WASHC5: variants seen among roughly 807,000 people sequenced by gnomAD.
The protein encoded by WASHC5 is WASH complex subunit 5.
In WASHC5, 101 loss-of-function variants were observed where a neutral mutation model predicts 150.4. The observed-to-expected ratio is 0.67, with a 90% confidence interval of 0.57 to 0.79. The LOEUF (loss-of-function observed/expected upper bound fraction) is 0.79, where lower values mean the gene tolerates loss of function less well. Among genes scored for constraint, WASHC5 ranks in the 30% least tolerant of loss-of-function variants. WASHC5 has a pLI of 0.00. For missense variants in WASHC5, 1,195 were observed against 1,396.3 expected (o/e 0.86, Z 2.30); for synonymous variants, 467 against 491.2 (o/e 0.95, Z 0.65).
intron 11 of WASHC5, 121 bp from the exon 12 acceptor site, chr8:125,061,315 C>G: frequency 1.6e-6 from 1 of 636,480 alleles, no homozygotes; most frequent in Non-Finnish European, 2.8e-6. Context: ...GGGCCTAACA[C>G]TAGGAATTTT....
chr8:125,075,166 G>T, intron 7 of WASHC5, 55 bp from the exon 8 acceptor site: 1 of 1,065,950 alleles, frequency 9.4e-7, no homozygotes, highest in Non-Finnish European at 1.5e-6. Flanking sequence ...CAAGGCAAAG[G>T]GTTGAATACT....
intron 1 of WASHC5, among the ~76,000 whole-genome samples, chr8:125,088,539 T>C (rs542611457): frequency 8.5e-5 from 13 of 152,106 alleles, no homozygotes; most frequent in Admixed American, 7.9e-4. Context: ...CCTCTGTAGC[T>C]TGCTAGTCCA....
intron 28 of WASHC5, among the ~76,000 whole-genome samples, chr8:125,026,973 T>G (rs1421548425): frequency 2.0e-5 from 3 of 152,214 alleles, no homozygotes; most frequent in African/African-American, 4.8e-5. Context: ...CTCTGTAATA[T>G]TCGAGGACCC....
intron 16 of WASHC5, among the ~76,000 whole-genome samples, chr8:125,056,144 A>G (rs944618178): frequency 6.6e-5 from 10 of 152,332 alleles, no homozygotes; most frequent in African/African-American, 2.4e-4. Flanking sequence ...TTGTATCAGA[A>G]TGGGAAATTG....
intron 14 of WASHC5, among the ~76,000 whole-genome samples, chr8:125,058,148 T>C (rs1190369569): frequency 6.6e-6 from 1 of 151,592 alleles, no homozygotes; most frequent in Non-Finnish European, 1.5e-5. Context: ...AGAAGTGCCA[T>C]TATTTTATGT....
chr8:125,043,804 AC>A lies in WASHC5; in HGVS notation c.2850+20del. On this transcript the variant is annotated intron_variant, in intron 23 of 28. Transcript: ENST00000318410. Reference sequence around the variant, plus strand: ...TTAAAAATGTAAGTATTGACTGTACACCCTCTCTTCTACAACATACCTTCAT... The same window carrying A: ...TTAAAAATGTAAGTATTGACTGTACACCTCTCTTCTACAACATACCTTCAT... The A allele has an allele frequency of 6.5e-7, 1 of 1,543,846 alleles. No homozygotes were observed. The highest frequency in any genetic ancestry group is 9.0e-7 in the Non-Finnish European group (1 of 1,116,094).
Position 125,038,932 on chromosome 8 carries a change from G to C in WASHC5, c.2982C>G (p.His994Gln). The C allele has an allele frequency of 6.2e-7, 1 of 1,614,004 alleles. No individual in the cohort carries two copies. Residue 994 changes from histidine to glutamine, a missense_variant, in exon 25 of 29, where the codon CAC becomes CAG. This residue lies in a region of WASHC5 where 997 missense variants were observed against 1,168.1 expected (regional missense o/e 0.85). Transcript: ENST00000318410. ...NKALLADIEA[H>Q]YQDPSLPYPK... ...GGTAAGGAAGTGAAGGGTCCTGATA[G>C]TGGGCTTCAATGTCTGCTAGGAGAG... is the stretch of plus-strand genomic sequence containing the variant.
intron 5 of WASHC5, among the ~76,000 whole-genome samples, chr8:125,080,174 G>T (rs145558263): frequency 6.6e-6 from 1 of 152,132 alleles, no homozygotes; most frequent in Non-Finnish European, 1.5e-5. Context: ...GAAGTGTTCA[G>T]TGTCACTTCA....
chr8:125,037,755 G>C (rs914419258), intron 25 of WASHC5, among the ~76,000 whole-genome samples: 4 of 151,854 alleles, frequency 2.6e-5, no homozygotes, highest in African/African-American at 4.8e-5. Flanking sequence ...AGGAGGGAGA[G>C]TGAAGGGAAA....
At chr8:125,058,625 G>A (rs1816490133) in intron 14 of WASHC5, among the ~76,000 whole-genome samples, 2 of 151,628 alleles carry the variant, frequency 1.3e-5, no homozygotes, top group South Asian at 4.2e-4. Context: ...GTGAACACCT[G>A]TAATTTCAAC....
intron 7 of WASHC5, among the ~76,000 whole-genome samples, chr8:125,075,939 G>C (rs888050219): frequency 1.3e-5 from 2 of 152,254 alleles, no homozygotes; most frequent in Admixed American, 6.5e-5. Context: ...CCCCATTACA[G>C]TTAGCTTATA....
At chr8:125,050,512 A>G in intron 18 of WASHC5, 52 bp downstream of exon 18, 2 of 1,289,732 alleles carry the variant, frequency 1.6e-6, no homozygotes, top group Admixed American at 3.4e-5. Context: ...ATTCTAGTCC[A>G]TGCTGCAAGC....
rs1563615656 is a variant in WASHC5, at chr8:125,047,189, G to T, written c.2504+18C>A. 1.9e-6 allele frequency: 3 copies of T among 1,613,822 alleles called. No homozygotes were observed. The highest frequency in any genetic ancestry group is 2.5e-6 in the Non-Finnish European group (3 of 1,179,792). On this transcript the variant is annotated intron_variant, in intron 20 of 28. Transcript: ENST00000318410. ...TGCCTGCAGTATTCAGGGCTCTGTA[G>T]AATTCAGGTACACCTACTTTGGGTC...
At chr8:125,076,556 AT>A in intron 6 of WASHC5, 56 bp from the exon 7 acceptor site, 1 of 1,599,046 alleles carries the variant, frequency 6.3e-7, no homozygotes, top group East Asian at 2.2e-5. Context: ...GCACGTAGAC[AT>A]GCTCAAATTA....
rs1815976150 is a variant in WASHC5, at chr8:125,044,005, T to C, written c.2757A>G (p.Leu919=). 2 of 1,612,976 alleles carry C rather than the reference T, an allele frequency of 1.2e-6. No homozygotes were observed. The highest frequency in any genetic ancestry group is 1.1e-5 in the South Asian group (1 of 91,062). The change falls in exon 22 of 29, where the codon CTA becomes CTG. Residue 919 remains leucine, a synonymous_variant. Transcript: ENST00000318410. ...LKTLMNAVSP[L]KSIVANSNKI... ...CAGGACACTCACCGACAATACTTTT[T>C]AGGGGACTGACAGCATTCATGAGGG...
At chr8:125,063,450 G>T (rs1228809017) in intron 11 of WASHC5, 72 bp downstream of exon 11, 7 of 1,490,800 alleles carry the variant, frequency 4.7e-6, no homozygotes, top group South Asian at 1.1e-5. Flanking sequence ...TTTTTAACCT[G>T]CCAGTTTCCA....
intron 19 of WASHC5, among the ~76,000 whole-genome samples, chr8:125,048,423 T>A (rs974781328): frequency 6.6e-6 from 1 of 152,160 alleles, no homozygotes; most frequent in African/African-American, 2.4e-5. Flanking sequence ...AAAGAAGACA[T>A]ACAAATGGCC....
chr8:125,048,980 C>T (rs1376019092), intron 19 of WASHC5, 26 bp downstream of exon 19: 1 of 1,572,256 alleles, frequency 6.4e-7, no homozygotes, highest in South Asian at 1.1e-5. Flanking sequence ...CAAATATAGT[C>T]AAGAATTTTA....
At chr8:125,068,546 T>C (rs906007390) in intron 9 of WASHC5, among the ~76,000 whole-genome samples, 3 of 152,200 alleles carry the variant, frequency 2.0e-5, no homozygotes, top group Non-Finnish European at 2.9e-5. Flanking sequence ...CCTTCCGCTA[T>C]AATAAATCAT....
Sources: gnomAD v4.1 joint callset for allele counts (sites outside exome capture counted in the v4.1 genomes callset) on GRCh38, gnomAD v4.1.1 for gene constraint, gnomAD v4.1.1 regional missense constraint, MANE v1.5 for transcripts, NCBI Gene and HGNC (gene_info 2026-07-23, HGNC 2026-07-21) for gene names.